Variants in CADM2 observed in about 807,000 individuals in gnomAD.
CADM2 encodes cell adhesion molecule 2, also known as immunoglobulin superfamily member 4D.
Under a neutral mutation model 49.8 loss-of-function variants are expected in CADM2, and 12 were observed. That is an observed-to-expected ratio of 0.24 (90% CI 0.15 to 0.39). The LOEUF is 0.39. CADM2 is among the 10% of genes least tolerant of loss of function. The pLI, the probability that CADM2 is intolerant of heterozygous loss-of-function variation, is 1.00. For missense variants in CADM2, 378 were observed against 492.3 expected, an observed-to-expected ratio of 0.77 and a Z score of 2.20; for synonymous variants, 214 against 175.4, an observed-to-expected ratio of 1.22 and a Z score of -1.74.
chr3:84,959,786 C>G lies in CADM2; in HGVS notation c.61+118C>G, dbSNP rs2030273859. ...TCCCTGTCCCCAGCGATTTCCACCC[C>G]CTCCCCCTACTCTCTGGTGCGGCAG... On this transcript the variant is annotated intron_variant, in intron 1 of 9. Transcript: ENST00000383699. 2.6e-5 allele frequency: 24 copies of G among 933,424 alleles called. No individual in the cohort carries two copies. The South Asian group carries it at 3.6e-4, about 14-fold the overall frequency. The allele number at this position is 933,424 out of a possible 1,614,324, so 57.8% of individuals were successfully genotyped here.
intron 1 of CADM2, among the ~76,000 whole-genome samples, chr3:85,637,831 A>G (rs923455501): frequency 6.6e-6 from 1 of 152,034 alleles, no homozygotes; most frequent in Non-Finnish European, 1.5e-5. Context: ...CCAGGAAAAA[A>G]TAATATATGA....
chr3:85,618,794 G>C (rs575613969), intron 1 of CADM2, among the ~76,000 whole-genome samples: 4 of 151,810 alleles, frequency 2.6e-5, no homozygotes, highest in African/African-American at 4.8e-5. Context: ...TGTGACAATA[G>C]TGTCTATTTG....
intron 1 of CADM2, among the ~76,000 whole-genome samples, chr3:85,240,091 T>C (rs2042495499): frequency 6.6e-6 from 1 of 151,486 alleles, no homozygotes; most frequent in African/African-American, 2.4e-5. Flanking sequence ...GTATCATTCA[T>C]AAAATGTGCT....
intron 2 of CADM2, among the ~76,000 whole-genome samples, chr3:85,773,905 T>A (rs563529754): frequency 8.7e-4 from 132 of 152,128 alleles, no homozygotes; most frequent in Non-Finnish European, 1.1e-3. Flanking sequence ...ATAGACAAAA[T>A]TTTAATATCG....
chr3:85,407,316 C>T (rs1046631780), intron 1 of CADM2, among the ~76,000 whole-genome samples: 5 of 152,288 alleles, frequency 3.3e-5, no homozygotes, highest in East Asian at 3.9e-4. Context: ...TAAAATTTGG[C>T]ACCCTCCTGT....
intron 1 of CADM2, among the ~76,000 whole-genome samples, chr3:85,182,825 A>AT (rs2040968943): frequency 6.6e-6 from 1 of 151,938 alleles, no homozygotes; most frequent in Non-Finnish European, 1.5e-5. Context: ...TTCTCTGTAT[A>AT]TTTTTTCTTG....
intron 2 of CADM2, among the ~76,000 whole-genome samples, chr3:85,747,511 A>G (rs1262667747): frequency 3.3e-5 from 5 of 152,260 alleles, no homozygotes; most frequent in Non-Finnish European, 7.4e-5. Context: ...TACAGGAGAA[A>G]GTGAAGGCAA....
intron 3 of CADM2, among the ~76,000 whole-genome samples, chr3:85,863,529 T>C (rs143533113): frequency 1.3e-3 from 205 of 152,276 alleles, no homozygotes; most frequent in African/African-American, 4.5e-3. Context: ...TTTGGTTCTC[T>C]TTTTCTCTCT....
intron 5 of CADM2, among the ~76,000 whole-genome samples, chr3:85,892,965 G>C (rs1304047980): frequency 6.6e-6 from 1 of 152,176 alleles, no homozygotes; most frequent in Non-Finnish European, 1.5e-5. Flanking sequence ...AATGCTGATA[G>C]TGATATGGAC....
At chr3:85,986,038 T>G (rs1728068438) in intron 8 of CADM2, among the ~76,000 whole-genome samples, 1 of 152,048 alleles carries the variant, frequency 6.6e-6, no homozygotes. Context: ...ACATGACATA[T>G]GTGCACTTCA....
intron 6 of CADM2, among the ~76,000 whole-genome samples, chr3:85,929,566 G>C (rs986850995): frequency 6.6e-6 from 1 of 151,062 alleles, no homozygotes; most frequent in South Asian, 2.1e-4. Context: ...TTAGAAAACC[G>C]TTTACATGTA....
At chr3:85,206,683 G>C (rs2041650531) in intron 1 of CADM2, among the ~76,000 whole-genome samples, 2 of 151,978 alleles carry the variant, frequency 1.3e-5, no homozygotes, top group Non-Finnish European at 2.9e-5. Context: ...GATTTTCTAA[G>C]AAGTTATGCT....
chr3:85,869,943 G>T (rs2075860005), intron 3 of CADM2, among the ~76,000 whole-genome samples: 1 of 152,206 alleles, frequency 6.6e-6, no homozygotes, highest in East Asian at 1.9e-4. Context: ...TTACAGGCGT[G>T]AGCCACCGCG....
chr3:85,601,173 T>TATATACAC (rs1469920736), intron 1 of CADM2, among the ~76,000 whole-genome samples: 1 of 99,454 alleles, frequency 1.0e-5, no homozygotes, highest in South Asian at 3.3e-4. Context: ...TATATATATA[T>TATATACAC]ACACACACAC....
intron 3 of CADM2, among the ~76,000 whole-genome samples, chr3:85,878,776 T>C (rs1276112740): frequency 1.3e-5 from 2 of 152,232 alleles, no homozygotes; most frequent in Admixed American, 1.3e-4. Flanking sequence ...ACTTTGGTGA[T>C]GTTATATAGG....
At chr3:85,970,481 T>C (rs1725987158) in intron 8 of CADM2, among the ~76,000 whole-genome samples, 2 of 151,688 alleles carry the variant, frequency 1.3e-5, no homozygotes, top group South Asian at 4.1e-4. Context: ...TATTCATTAA[T>C]ATGCATGTGC....
At chr3:84,969,560 T>A (rs948802049) in intron 1 of CADM2, among the ~76,000 whole-genome samples, 10 of 151,834 alleles carry the variant, frequency 6.6e-5, no homozygotes, top group Admixed American at 5.9e-4. Flanking sequence ...TCTAAAAGAT[T>A]TAATCTTGAC....
chr3:85,527,176 A>C (rs2061178993), intron 1 of CADM2, among the ~76,000 whole-genome samples: 1 of 151,998 alleles, frequency 6.6e-6, no homozygotes, highest in African/African-American at 2.4e-5. Flanking sequence ...GCTTGCAGTG[A>C]GAAATTTGAG....
At chr3:85,250,503 A>G (rs1196675465) in intron 1 of CADM2, among the ~76,000 whole-genome samples, 1 of 151,588 alleles carries the variant, frequency 6.6e-6, no homozygotes, top group Non-Finnish European at 1.5e-5. Flanking sequence ...GTGAATGATA[A>G]TATTATTAGA....
Sources: gnomAD v4.1 joint callset for allele counts (sites outside exome capture counted in the v4.1 genomes callset) on GRCh38, gnomAD v4.1.1 for gene constraint, MANE v1.5 for transcripts, NCBI Gene and HGNC (gene_info 2026-07-23, HGNC 2026-07-21) for gene names.